Variants in COL27A1 observed in about 807,000 individuals in gnomAD.
COL27A1 encodes the protein collagen alpha-1(XXVII) chain.
A neutral mutation model predicts 251.3 loss-of-function variants in COL27A1; 106 were observed. The observed-to-expected ratio is 0.42, with a 90% confidence interval of 0.36 to 0.50. The LOEUF (loss-of-function observed/expected upper bound fraction) is 0.50. COL27A1 is among the 20% of genes least tolerant of loss of function. COL27A1 has a pLI of 0.00. For missense variants in COL27A1, 2,325 were observed against 2,522.8 expected (o/e 0.92, Z 1.68); for synonymous variants, 1,000 against 986.3 (o/e 1.01, Z -0.26).
In COL27A1 at chr9:114,168,499, G is replaced by A. The variant is rs780574789; in HGVS notation, c.944G>A (p.Gly315Glu). 1.6e-5 allele frequency: 26 copies of A among 1,613,716 alleles called. No individual in the cohort carries two copies. In the Admixed American group the frequency reaches 2.0e-4, roughly 12 times the overall value. The change falls in exon 3 of 61, where the codon GGA (glycine) becomes GAA (glutamate). Residue 315 changes from glycine (G) to glutamate (E), a missense_variant. Physicochemically the swap from Gly to Glu is moderately conservative, Grantham distance 98. Around this residue, in one of 4 missense-constraint regions of COL27A1, gnomAD observed 1,183 missense variants for 1,144.1 expected, o/e 1.03. Transcript: ENST00000356083. The stretch of plus-strand genomic sequence containing the variant: ...AACCCTCACCAGCATATGGCGGTGG[G>A]AGGCCCAGCCCAAACCCCGCTGCTA... ...PTNPHQHMAV[G>E]GPAQTPLLPA...
intron 51 of COL27A1, 25 bp from the exon 52 acceptor site, chr9:114,301,047 A>G (rs377351633): frequency 4.3e-5 from 69 of 1,587,048 alleles, no homozygotes; most frequent in African/African-American, 9.4e-5. Flanking sequence ...GAACAAGGAC[A>G]CATGAGCCTT....
At chr9:114,192,999 G>A (rs1377378713) in intron 5 of COL27A1, among the ~76,000 whole-genome samples, 1 of 151,608 alleles carries the variant, frequency 6.6e-6, no homozygotes, top group East Asian at 1.9e-4. Context: ...AAGCTGGCGT[G>A]TGTTTGTGTG....
intron 34 of COL27A1, among the ~76,000 whole-genome samples, chr9:114,268,094 C>G (rs981235991): frequency 2.6e-5 from 4 of 152,224 alleles, no homozygotes; most frequent in African/African-American, 9.6e-5. Context: ...GGAGTTGGAC[C>G]AGGCCGGGGG....
intron 49 of COL27A1, among the ~76,000 whole-genome samples, chr9:114,298,249 T>C (rs772630610): frequency 6.5e-4 from 99 of 152,180 alleles, no homozygotes; most frequent in Non-Finnish European, 1.2e-3. Context: ...CAGAAGACTT[T>C]GTGTGGTTAA....
intron 59 of COL27A1, among the ~76,000 whole-genome samples, chr9:114,309,030 C>T (rs1042670239): frequency 6.6e-6 from 1 of 152,186 alleles, no homozygotes; most frequent in African/African-American, 2.4e-5. Context: ...GAAGCTCTGG[C>T]TCTGGAGTCA....
In COL27A1 at chr9:114,307,675, A is replaced by T; in HGVS notation, c.5114A>T (p.Tyr1705Phe). ...CATCCCACGCTGCCTGCAGGTACCTACTGGGTGGATCCAAACCTTGGCTGC... is the reference window on the plus strand; with the variant it reads ...CATCCCACGCTGCCTGCAGGTACCTTCTGGGTGGATCCAAACCTTGGCTGC... ...DCEQKMVDGT[Y>F]WVDPNLGCSS... The change falls in exon 59 of 61, where the codon TAC becomes TTC. Residue 1705 changes from tyrosine to phenylalanine, a missense_variant. By Grantham distance (22) the Tyr-to-Phe change is conservative. This residue lies in a region of COL27A1 where 327 missense variants were observed against 442.8 expected (regional missense o/e 0.74). Coordinates refer to ENST00000356083, the MANE Select transcript of COL27A1 (RefSeq NM_032888.4). 3 of 1,612,598 alleles carry T rather than the reference A, an allele frequency of 1.9e-6. No individual in the cohort carries two copies. The highest frequency in any genetic ancestry group is 2.5e-6 in the Non-Finnish European group (3 of 1,178,606).
At chr9:114,253,727 T>C (rs1449035742) in intron 27 of COL27A1, among the ~76,000 whole-genome samples, 2 of 152,186 alleles carry the variant, frequency 1.3e-5, no homozygotes, top group Admixed American at 6.5e-5. Context: ...ATGGTCAGGA[T>C]AGTGTGATCG....
At chr9:114,282,414 T>C (rs747245809) in intron 38 of COL27A1, 43 bp from the exon 39 acceptor site, 1 of 1,606,344 alleles carries the variant, frequency 6.2e-7, no homozygotes, top group Admixed American at 1.7e-5. Flanking sequence ...GGACCCTCCG[T>C]CCTGTTGGGC....
At chr9:114,238,772 A>G (rs1039090326) in intron 19 of COL27A1, among the ~76,000 whole-genome samples, 2 of 152,036 alleles carry the variant, frequency 1.3e-5, no homozygotes, top group African/African-American at 4.8e-5. Context: ...GGTGGAAGGC[A>G]TGCTCCCTCA....
chr9:114,211,127 C>A, intron 12 of COL27A1, 101 bp downstream of exon 12: 1 of 1,251,610 alleles, frequency 8.0e-7, no homozygotes. Flanking sequence ...TTCTGCTTCT[C>A]CCCCTGCTTT....
At position 114,228,377 on chromosome 9, in the gene COL27A1, CAG is replaced by C. The variant is rs373415854; in HGVS notation, c.2467-2701_2467-2700del. On this transcript the variant is annotated intron_variant, in intron 14 of 60. Coordinates refer to ENST00000356083, the MANE Select transcript of COL27A1 (RefSeq NM_032888.4). ...AGCCCGCCTCTGTTTATTTGTGCAT[CAG>C]GGGGAACTCTGGGCGGGCCACCCTG... Among the ~76,000 whole-genome samples the C allele has an allele frequency of 5.9e-5, 9 of 152,372 alleles. No individual in the cohort carries two copies. In the East Asian group the frequency reaches 1.7e-3, roughly 29 times the overall value.
chr9:114,240,141 C>G, intron 19 of COL27A1, 79 bp from the exon 20 acceptor site: 1 of 1,281,614 alleles, frequency 7.8e-7, no homozygotes, highest in Non-Finnish European at 1.1e-6. Context: ...GAAACCCGGT[C>G]AGTCTCCCTG....
chr9:114,220,376 A>G (rs1147314), intron 13 of COL27A1, among the ~76,000 whole-genome samples: 119,503 of 152,162 alleles, frequency 0.79, 47,419 homozygotes, highest in South Asian at 0.89. Context: ...TTCCCTTCCC[A>G]GCTCCAGGCC....
intron 17 of COL27A1, among the ~76,000 whole-genome samples, chr9:114,236,286 T>C (rs1588726064): frequency 6.6e-6 from 1 of 152,198 alleles, no homozygotes; most frequent in South Asian, 2.1e-4. Context: ...GGACTTGTAC[T>C]GTGTCCCCTG....
intron 14 of COL27A1, among the ~76,000 whole-genome samples, chr9:114,228,377 CA>C (rs754391554): frequency 5.9e-5 from 9 of 152,254 alleles, no homozygotes; most frequent in Middle Eastern, 3.2e-3. Context: ...ATTTGTGCAT[CA>C]GGGGGAACTC....
At chr9:114,300,199 A>G in intron 50 of COL27A1, 76 bp downstream of exon 50, 2 of 1,433,424 alleles carry the variant, frequency 1.4e-6, no homozygotes, top group Non-Finnish European at 2.0e-6. Context: ...TCATTCAACA[A>G]ATATTTATGG....
chr9:114,283,018 G>C (rs974716546), intron 39 of COL27A1, among the ~76,000 whole-genome samples: 6 of 152,222 alleles, frequency 3.9e-5, no homozygotes, highest in Non-Finnish European at 8.8e-5. Context: ...CTGAAGGAAG[G>C]GGCCCAGAGG....
intron 10 of COL27A1, chr9:114,209,311 G>A: frequency 2.1e-6 from 1 of 475,294 alleles, no homozygotes. Context: ...GCACCTACCA[G>A]CATCCCTGGG....
chr9:114,296,542 A>C (rs1828270548), intron 49 of COL27A1, among the ~76,000 whole-genome samples: 1 of 152,266 alleles, frequency 6.6e-6, no homozygotes. Context: ...GAGTTTTAAA[A>C]GACTAACCAT....
Sources: allele counts gnomAD v4.1 joint callset (sites outside exome capture counted in the v4.1 genomes callset), GRCh38; gene constraint gnomAD v4.1.1; regional missense constraint gnomAD v4.1.1; transcripts MANE v1.5; gene names NCBI Gene and HGNC (gene_info 2026-07-23, HGNC 2026-07-21).